The following GRID2 variants were observed in gnomAD, a reference collection of about 807,000 sequenced individuals.
GRID2 encodes the protein glutamate receptor ionotropic, delta-2.
Under a neutral mutation model 114.8 loss-of-function variants are expected in GRID2, and 33 were observed. The ratio of observed to expected loss-of-function variants is 0.29; its 90% CI spans 0.22 to 0.38. The LOEUF is 0.38. Among genes scored for constraint, GRID2 ranks in the 10% least tolerant of loss-of-function variants. The pLI is 1.00. For synonymous variants in GRID2, 505 were observed against 449.9 expected (o/e 1.12, Z -1.55); for missense variants, 1,184 against 1,257.7 (o/e 0.94, Z 0.89).
rs143489631 is a variant in GRID2, at chr4:93,231,591, T to C, written c.1126-6780T>C. 8.9e-3 allele frequency among the ~76,000 whole-genome samples: 1,357 copies of C among 152,256 alleles called. 22 individuals carry two copies. The highest frequency in any genetic ancestry group is 0.031 in the African/African-American group (1,288 of 41,566). The stretch of plus-strand genomic sequence containing the variant: ...CAGCCAAGAAAGACATCTGAGCCTC[T>C]GTTCAGGAATTGCCATGGACGGGAA... On this transcript the variant is annotated intron_variant, in intron 7 of 15. Coordinates refer to ENST00000282020, the MANE Select transcript of GRID2 (RefSeq NM_001510.4).
At chr4:92,564,474 G>A (rs1245695980) in intron 1 of GRID2, among the ~76,000 whole-genome samples, 2 of 151,896 alleles carry the variant, frequency 1.3e-5, no homozygotes, top group African/African-American at 2.4e-5. Flanking sequence ...TGATAATATC[G>A]AGAGGAGAGG....
chr4:92,922,401 G>T (rs1191994690), intron 2 of GRID2, among the ~76,000 whole-genome samples: 1 of 152,068 alleles, frequency 6.6e-6, no homozygotes, highest in Non-Finnish European at 1.5e-5. Flanking sequence ...CAGTACCTCA[G>T]TTGGAAATGC....
At chr4:93,318,629 T>TAA (rs200865583) in intron 8 of GRID2, 1 of 151,894 alleles carries the variant, frequency 6.6e-6, no homozygotes, top group African/African-American at 2.4e-5. Context: ...TATCTTTTTT[T>TAA]AAAAAAAACA....
At chr4:92,543,419 C>A (rs1726079025) in intron 1 of GRID2, among the ~76,000 whole-genome samples, 1 of 152,056 alleles carries the variant, frequency 6.6e-6, no homozygotes, top group Non-Finnish European at 1.5e-5. Flanking sequence ...AATTTTATAG[C>A]AAAAATTCAT....
chr4:93,753,578 G>C (rs570406963), intron 14 of GRID2, among the ~76,000 whole-genome samples: 5 of 152,126 alleles, frequency 3.3e-5, no homozygotes, highest in Non-Finnish European at 7.3e-5. Flanking sequence ...CCACCTATGA[G>C]TGAGAACATG....
chr4:92,790,428 A>C (rs1213435001), intron 2 of GRID2, among the ~76,000 whole-genome samples: 2 of 151,648 alleles, frequency 1.3e-5, no homozygotes, highest in Admixed American at 6.6e-5. Flanking sequence ...TTATTATCAT[A>C]TTTTTTGGAC....
In GRID2 at chr4:93,216,927, C is replaced by A. The variant is rs764041084; in HGVS notation, c.963+16C>A. On this transcript the variant is annotated intron_variant, in intron 6 of 15. Transcript: ENST00000282020. ...GAATATGGAGGTATATTATAAATGA[C>A]AGGATATTTCTTCCAGGGTGCTTTG... is the stretch of plus-strand genomic sequence containing the variant. The A allele has an allele frequency of 1.9e-6, 3 of 1,574,154 alleles. No individual in the cohort carries two copies. In the African/African-American group the frequency reaches 4.0e-5, roughly 21 times the overall value.
chr4:92,444,186 G>C (rs113486418), intron 1 of GRID2, among the ~76,000 whole-genome samples: 5,206 of 152,282 alleles, frequency 0.034, 103 homozygotes, highest in South Asian at 0.079. Flanking sequence ...CCCCCGATCC[G>C]AGTCATGGCA....
In GRID2 at chr4:92,944,448, C is replaced by G. The variant is rs187256754; in HGVS notation, c.245-140547C>G. Among the ~76,000 whole-genome samples, 422 of 152,290 alleles carry G rather than the reference C, an allele frequency of 2.8e-3. 6 individuals carry two copies. The highest frequency in any genetic ancestry group is 9.5e-3 in the African/African-American group (394 of 41,554). On this transcript the variant is annotated intron_variant, in intron 2 of 15. Coordinates refer to ENST00000282020, the MANE Select transcript of GRID2 (RefSeq NM_001510.4). The stretch of plus-strand genomic sequence containing the variant: ...AAGCACAGTATTAGGGTGGGAGTGA[C>G]CCGATTTTCCAGGTGCCGTCTGTCA...
chr4:93,596,361 G>A (rs758138277), intron 13 of GRID2, among the ~76,000 whole-genome samples: 1 of 152,156 alleles, frequency 6.6e-6, no homozygotes, highest in Admixed American at 6.5e-5. Flanking sequence ...GGGCGATCAC[G>A]AGGTCAGAAG....
intron 1 of GRID2, among the ~76,000 whole-genome samples, chr4:92,387,141 A>G (rs1267967568): frequency 1.3e-5 from 2 of 151,934 alleles, no homozygotes; most frequent in Non-Finnish European, 2.9e-5. Flanking sequence ...ATACTAATGT[A>G]ATTCATGTAA....
intron 8 of GRID2, among the ~76,000 whole-genome samples, chr4:93,252,427 G>A (rs1325607782): frequency 7.1e-6 from 1 of 140,168 alleles, no homozygotes; most frequent in African/African-American, 2.7e-5. Flanking sequence ...ATTGGTCTAT[G>A]TATCTGTTCT....
At chr4:92,974,093 T>C (rs567277744) in intron 2 of GRID2, among the ~76,000 whole-genome samples, 1 of 152,294 alleles carries the variant, frequency 6.6e-6, no homozygotes, top group South Asian at 2.1e-4. Context: ...AAAATGCTCA[T>C]CATCACTGGT....
At chr4:92,707,984 G>A (rs1735036043) in intron 2 of GRID2, among the ~76,000 whole-genome samples, 1 of 152,106 alleles carries the variant, frequency 6.6e-6, no homozygotes, top group African/African-American at 2.4e-5. Context: ...ATGAGGGAAT[G>A]AGAACCAATG....
intron 14 of GRID2, among the ~76,000 whole-genome samples, chr4:93,722,635 C>G (rs757129803): frequency 1.8e-4 from 28 of 152,156 alleles, no homozygotes; most frequent in Non-Finnish European, 2.9e-4. Context: ...CCTTGGCCTC[C>G]CACTTTCTCA....
chr4:93,552,638 G>A (rs1477692001), intron 13 of GRID2, among the ~76,000 whole-genome samples: 1 of 152,076 alleles, frequency 6.6e-6, no homozygotes, highest in Non-Finnish European at 1.5e-5. Flanking sequence ...CAGTGATGAT[G>A]AGCATTTAAT....
At chr4:92,422,019 A>G (rs184917782) in intron 1 of GRID2, among the ~76,000 whole-genome samples, 92 of 152,230 alleles carry the variant, frequency 6.0e-4, no homozygotes, top group Admixed American at 9.2e-4. Flanking sequence ...AGAGAAAGGA[A>G]TGGAGAATGA....
chr4:92,324,596 G>GACACAC lies in GRID2; in HGVS notation c.88+19873_88+19878dup, dbSNP rs34621988. 1.0e-3 allele frequency among the ~76,000 whole-genome samples: 154 copies of GACACAC among 148,240 alleles called. 1 individual carries two copies. The highest frequency in any genetic ancestry group is 5.3e-3 in the South Asian group (25 of 4,686). On this transcript the variant is annotated intron_variant, in intron 1 of 15. Coordinates refer to ENST00000282020, the MANE Select transcript of GRID2 (RefSeq NM_001510.4). Reference sequence around the variant, plus strand: ...TTTTATATACACATACATACATACAGACACACACACACACACACACACACA... The same window carrying GACACAC: ...TTTTATATACACATACATACATACAGACACACACACACACACACACACACACACACA...
At chr4:93,524,838 T>TAC (rs1730719983) in intron 13 of GRID2, among the ~76,000 whole-genome samples, 1 of 116,182 alleles carries the variant, frequency 8.6e-6, no homozygotes, top group Non-Finnish European at 1.7e-5. Flanking sequence ...TATATATATA[T>TAC]ATATATATAT....
Sources: allele counts gnomAD v4.1 joint callset (sites outside exome capture counted in the v4.1 genomes callset), GRCh38; gene constraint gnomAD v4.1.1; transcripts MANE v1.5; gene names NCBI Gene and HGNC (gene_info 2026-07-23, HGNC 2026-07-21).